The following NAALADL2 variants were observed in gnomAD, a reference collection of about 807,000 sequenced individuals.
NAALADL2 encodes the protein N-acetylated alpha-linked acidic dipeptidase like 2.
A neutral mutation model predicts 87.2 loss-of-function variants in NAALADL2; 76 were observed. That is an observed-to-expected ratio of 0.87 (90% CI 0.72 to 1.05). The LOEUF is 1.05. Among genes scored for constraint, NAALADL2 ranks in the 50% least tolerant of loss-of-function variants. The pLI is 0.00. For missense variants in NAALADL2, 1,089 were observed against 945.8 expected (o/e 1.15, Z -1.99); for synonymous variants, 354 against 331.0 (o/e 1.07, Z -0.75).
chr3:174,832,839 G>T (rs940610234), intron 3 of NAALADL2, among the ~76,000 whole-genome samples: 2 of 152,162 alleles, frequency 1.3e-5, no homozygotes, highest in African/African-American at 4.8e-5. Flanking sequence ...CATACTGAAA[G>T]CAAGTAGTGG....
chr3:175,769,006 G>A (rs1559990827), intron 13 of NAALADL2, among the ~76,000 whole-genome samples: 1 of 152,076 alleles, frequency 6.6e-6, no homozygotes, highest in Non-Finnish European at 1.5e-5. Flanking sequence ...TTTAATATTT[G>A]CTATTACTCC....
At chr3:175,620,963 G>C (rs934348197) in intron 10 of NAALADL2, among the ~76,000 whole-genome samples, 2 of 152,216 alleles carry the variant, frequency 1.3e-5, no homozygotes, top group African/African-American at 2.4e-5. Flanking sequence ...CTGTGAGGCT[G>C]TCTAGGGTTT....
At chr3:174,904,670 C>G (rs1732760757) in intron 1 of NAALADL2, among the ~76,000 whole-genome samples, 2 of 151,822 alleles carry the variant, frequency 1.3e-5, no homozygotes, top group South Asian at 4.1e-4. Flanking sequence ...ACATAAGTTT[C>G]ATATCCTTTT....
At chr3:174,974,654 C>T (rs763722582) in intron 1 of NAALADL2, among the ~76,000 whole-genome samples, 5 of 152,036 alleles carry the variant, frequency 3.3e-5, no homozygotes, top group Admixed American at 1.3e-4. Context: ...ATTATAGTAA[C>T]AGAAAAGTTG....
chr3:174,589,721 CTT>C (rs1717148675), intron 2 of NAALADL2, among the ~76,000 whole-genome samples: 1 of 152,090 alleles, frequency 6.6e-6, no homozygotes, highest in Non-Finnish European at 1.5e-5. Flanking sequence ...AATCAAAACA[CTT>C]TTGAAAATTT....
intron 2 of NAALADL2, among the ~76,000 whole-genome samples, chr3:174,577,004 A>G (rs1446265330): frequency 6.6e-6 from 1 of 152,132 alleles, no homozygotes; most frequent in Non-Finnish European, 1.5e-5. Context: ...AATGCCTGTT[A>G]TAAAGAAAGT....
At chr3:175,501,745 G>T (rs542687031) in intron 9 of NAALADL2, among the ~76,000 whole-genome samples, 2 of 152,214 alleles carry the variant, frequency 1.3e-5, no homozygotes, top group East Asian at 1.9e-4. Context: ...GGATAGAAAT[G>T]ACTAGTAGTG....
chr3:175,252,072 G>A (rs910106674), intron 3 of NAALADL2, among the ~76,000 whole-genome samples: 5 of 152,120 alleles, frequency 3.3e-5, no homozygotes, highest in African/African-American at 9.7e-5. Flanking sequence ...TTCCAATATT[G>A]TAAATGTCTT....
chr3:174,974,987 C>T (rs1744186033), intron 1 of NAALADL2, among the ~76,000 whole-genome samples: 1 of 152,070 alleles, frequency 6.6e-6, no homozygotes, highest in Non-Finnish European at 1.5e-5. Flanking sequence ...ATTACAGAAA[C>T]TTTTCTTTAC....
chr3:174,687,589 G>A lies in NAALADL2; in HGVS notation c.-114-50052G>A, dbSNP rs551469346. On this transcript the variant is annotated intron_variant, in intron 2 of 3. Transcript: ENST00000434257. Reference sequence around the variant, plus strand: ...CAACTGGCTTTATGGTGAGAAGGGGGCAAAAATAAATCGACAAGTGCAATA... The same window carrying A: ...CAACTGGCTTTATGGTGAGAAGGGGACAAAAATAAATCGACAAGTGCAATA... Among the ~76,000 whole-genome samples the A allele has an allele frequency of 4.9e-4, 75 of 152,176 alleles. 1 individual carries two copies. The highest frequency in any genetic ancestry group is 1.7e-3 in the African/African-American group (72 of 41,542).
intron 9 of NAALADL2, among the ~76,000 whole-genome samples, chr3:175,535,603 C>A (rs1734708948): frequency 6.6e-6 from 1 of 152,134 alleles, no homozygotes; most frequent in African/African-American, 2.4e-5. Flanking sequence ...AGTGTCCATC[C>A]ATTTGTTTTT....
chr3:174,991,696 T>C (rs982997504), intron 1 of NAALADL2, among the ~76,000 whole-genome samples: 3 of 152,090 alleles, frequency 2.0e-5, no homozygotes, highest in Non-Finnish European at 4.4e-5. Flanking sequence ...CTTGAGAATA[T>C]GGAACAGAAT....
intron 13 of NAALADL2, among the ~76,000 whole-genome samples, chr3:175,765,266 C>A (rs1194506807): frequency 6.6e-6 from 1 of 152,022 alleles, no homozygotes; most frequent in Non-Finnish European, 1.5e-5. Flanking sequence ...TTCCCTTTTA[C>A]CCTTTTATGA....
chr3:175,410,322 GT>G, intron 5 of NAALADL2, among the ~76,000 whole-genome samples: 3 of 152,208 alleles, frequency 2.0e-5, no homozygotes, highest in Middle Eastern at 3.4e-3. Context: ...TTTCTTAAAA[GT>G]TGTTTATCTT....
chr3:174,526,683 T>G (rs1446477642), intron 1 of NAALADL2, among the ~76,000 whole-genome samples: 2 of 151,096 alleles, frequency 1.3e-5, no homozygotes, highest in African/African-American at 2.4e-5. Context: ...TTTTTCTTTT[T>G]TTTTTTTTTT....
chr3:174,944,509 T>C (rs971197788), intron 1 of NAALADL2, among the ~76,000 whole-genome samples: 8 of 152,182 alleles, frequency 5.3e-5, no homozygotes, highest in African/African-American at 1.9e-4. Flanking sequence ...AGTCTTATCC[T>C]GTGAGGTGCC....
At chr3:175,718,001 G>T (rs949915327) in intron 11 of NAALADL2, among the ~76,000 whole-genome samples, 18 of 151,200 alleles carry the variant, frequency 1.2e-4, no homozygotes, top group African/African-American at 4.1e-4. Flanking sequence ...TTTTGTTGTT[G>T]TTGTTATAGC....
intron 10 of NAALADL2, among the ~76,000 whole-genome samples, chr3:175,616,929 G>A (rs1032596034): frequency 1.3e-5 from 2 of 152,046 alleles, no homozygotes; most frequent in African/African-American, 4.8e-5. Context: ...GGCGGTTGCG[G>A]TTCAGCGAAT....
intron 2 of NAALADL2, among the ~76,000 whole-genome samples, chr3:175,152,915 GAAAA>G (rs549862775): frequency 3.3e-5 from 5 of 150,132 alleles, no homozygotes; most frequent in Non-Finnish European, 7.4e-5. Context: ...TCAAAAAAAA[GAAAA>G]AAAAATTCTA....
Sources: gnomAD v4.1 joint callset for allele counts (sites outside exome capture counted in the v4.1 genomes callset) on GRCh38, gnomAD v4.1.1 for gene constraint, MANE v1.5 for transcripts, NCBI Gene and HGNC (gene_info 2026-07-23, HGNC 2026-07-21) for gene names.